ELAC2: variants seen among roughly 807,000 people sequenced by gnomAD.
ELAC2 encodes the protein zinc phosphodiesterase ELAC protein 2.
In ELAC2, 92 loss-of-function variants were observed where a neutral mutation model predicts 105.2. The observed-to-expected ratio is 0.87, with a 90% CI of 0.74 to 1.04. The LOEUF (loss-of-function observed/expected upper bound fraction) is 1.04. Among genes scored for constraint, ELAC2 ranks in the 50% least tolerant of loss-of-function variants. ELAC2 has a pLI of 0.00. For missense variants in ELAC2, 1,099 were observed against 1,071.7 expected (o/e 1.03, Z -0.36); for synonymous variants, 468 against 409.1 (o/e 1.14, Z -1.74).
At chr17:12,999,897 T>C (rs2040683275) in intron 15 of ELAC2, among the ~76,000 whole-genome samples, 1 of 152,192 alleles carries the variant, frequency 6.6e-6, no homozygotes, top group African/African-American at 2.4e-5. Context: ...GACCTCGCGA[T>C]CCACCTGCCT....
chr17:12,996,663 C>G lies in ELAC2; in HGVS notation c.1543G>C (p.Asp515His), dbSNP rs779653216. 1 of 1,613,874 alleles carries G rather than the reference C, an allele frequency of 6.2e-7. No homozygotes were observed. The highest frequency in any genetic ancestry group is 8.5e-7 in the Non-Finnish European group (1 of 1,179,978). The change falls in exon 17 of 24, where the codon GAC becomes CAC. Residue 515 changes from aspartate (D) to histidine (H), a missense_variant. By Grantham distance (81) the Asp-to-His change is moderately conservative (BLOSUM62 -1). Coordinates refer to ENST00000338034, the MANE Select transcript of ELAC2 (RefSeq NM_018127.7). Reference protein sequence around the residue: ...NISPDTSLLLDCGEGTFGQLC... With the variant: ...NISPDTSLLLHCGEGTFGQLC... ...TGCCCAAATGTGCCCTCACCACAGT[C>G]CAGTAGCAGAGACGTGTCGGGGCTG...
chr17:13,014,604 T>C, intron 4 of ELAC2, 108 bp from the exon 5 acceptor site: 1 of 840,352 alleles, frequency 1.2e-6, no homozygotes, highest in Non-Finnish European at 2.1e-6. Context: ...AAACAAAGCT[T>C]AGTAAATATT....
intron 12 of ELAC2, chr17:13,002,839 A>C (rs1243956808): frequency 2.4e-5 from 13 of 542,230 alleles, no homozygotes; most frequent in Non-Finnish European, 4.0e-5. Flanking sequence ...CAGGGCATAC[A>C]AATAGGGGAC....
In ELAC2 at chr17:12,994,420, GCTAC is replaced by G. The variant is rs1251318856; in HGVS notation, c.2108+1_2108+4del. The G allele has an allele frequency of 6.2e-7, 1 of 1,614,192 alleles. No homozygotes were observed. The highest frequency in any genetic ancestry group is 1.7e-5 in the Admixed American group (1 of 60,016). On this transcript the variant is annotated splice_donor_variant and splice_donor_region_variant and intron_variant, in intron 22 of 23. Transcript: ENST00000338034. LOFTEE classifies it high-confidence loss of function. ...GGGCGACAAGGACTGACCGGCCTTT[GCTAC>G]CTGTGTGTCTTTTCCACTGCTTCCT...
chr17:12,998,310 C>T, intron 16 of ELAC2, 102 bp downstream of exon 16: 1 of 1,136,776 alleles, frequency 8.8e-7, no homozygotes, highest in Non-Finnish European at 1.3e-6. Context: ...AGTGACAGGG[C>T]TTGATACCGC....
chr17:13,007,607 G>C (rs1315408979), intron 8 of ELAC2, among the ~76,000 whole-genome samples: 2 of 152,266 alleles, frequency 1.3e-5, no homozygotes, highest in Non-Finnish European at 2.9e-5. Context: ...GTTGGGGGCA[G>C]TGGCTCACGC....
Position 13,005,015 on chromosome 17 carries a change from G to A in ELAC2, c.957C>T (p.Pro319=), listed in dbSNP as rs1043865128. 2.5e-6 allele frequency: 4 copies of A among 1,614,048 alleles called. No homozygotes were observed. Among genetic ancestry groups the A allele is most frequent in the East Asian group, 2.2e-5 (1 of 44,882 alleles). Residue 319 remains proline, a synonymous_variant, in exon 11 of 24, where the codon CCC becomes CCT. Coordinates refer to ENST00000338034, the MANE Select transcript of ELAC2 (RefSeq NM_018127.7). ...TCTGAAAGGTGGCATTCTCACAGAT[G>A]GGTTGAATGAAGCTTTCATCTGGAC... ...VECPDESFIQ[P]ICENATFQRY...
chr17:13,004,198 G>C (rs2040981374), intron 11 of ELAC2: 1 of 157,664 alleles, frequency 6.3e-6, no homozygotes, highest in Non-Finnish European at 1.4e-5. Flanking sequence ...TCATTGAAGA[G>C]GTTTTGCTGC....
Position 13,017,049 on chromosome 17 carries a change from C to T in ELAC2, c.296+22G>A, listed in dbSNP as rs544394541. 9 of 1,614,018 alleles carry T rather than the reference C, an allele frequency of 5.6e-6. No homozygotes were observed. The East Asian group carries it at 1.1e-4, about 20-fold the overall frequency. On this transcript the variant is annotated intron_variant, in intron 2 of 23. Transcript: ENST00000338034. Reference sequence around the variant, plus strand: ...CAAGCCCCGTAATCAACTCCCCCTCCGAAAGCAAGAGACTGACTCACTTGT... The same window carrying T: ...CAAGCCCCGTAATCAACTCCCCCTCTGAAAGCAAGAGACTGACTCACTTGT...
At position 12,991,818 on chromosome 17, in the gene ELAC2, G is replaced by C. The variant is rs932425370; in HGVS notation, c.*1000C>G. On this transcript the variant is annotated 3_prime_UTR_variant, in exon 24 of 24. Coordinates refer to ENST00000338034, the MANE Select transcript of ELAC2 (RefSeq NM_018127.7). ...TCTTCTTTTTACATTCTCCTGGGTAGGGAATATACACAATAAATACTAGAT... is the reference window on the plus strand; with the variant it reads ...TCTTCTTTTTACATTCTCCTGGGTACGGAATATACACAATAAATACTAGAT... Among the ~76,000 whole-genome samples the C allele has an allele frequency of 6.6e-6, 1 of 151,892 alleles. No individual in the cohort carries two copies. Among genetic ancestry groups the C allele is most frequent in the African/African-American group, 2.4e-5 (1 of 41,328 alleles).
chr17:13,010,372 C>T lies in ELAC2; in HGVS notation c.738+241G>A, dbSNP rs138505842. Among the ~76,000 whole-genome samples the T allele has an allele frequency of 0.086, 13,017 of 152,204 alleles. 769 individuals are homozygous for T. The highest frequency in any genetic ancestry group is 0.2 in the Middle Eastern group (58 of 294). ...TTTTAGTACAGACAGGGTTTCACCA[C>T]GTTGGTCAGGCTGTTCTCAAACTCC... On this transcript the variant is annotated intron_variant, in intron 8 of 23. Coordinates refer to ENST00000338034, the MANE Select transcript of ELAC2 (RefSeq NM_018127.7).
Position 13,011,692 on chromosome 17 carries a change from G to C in ELAC2, c.650C>G (p.Ser217Trp), listed in dbSNP as rs4792311. The C allele has an allele frequency of 1.9e-6, 3 of 1,613,678 alleles. No homozygotes were observed. Among genetic ancestry groups the C allele is most frequent in the East Asian group, 4.5e-5 (2 of 44,860 alleles). Reference sequence around the variant, plus strand: ...TGGAAGGTGTGGCTCATTTTCATTCGACTCGGAGTCTGAAGATCGCTCTGG... The same window carrying C: ...TGGAAGGTGTGGCTCATTTTCATTCCACTCGGAGTCTGAAGATCGCTCTGG... ...LSPERSSDSE[S>W]NENEPHLPHG... The change falls in exon 7 of 24, where the codon TCG (serine) becomes TGG (tryptophan). Residue 217 changes from serine to tryptophan, a missense_variant. By Grantham distance (177) the Ser-to-Trp change is radical (BLOSUM62 -3). Transcript: ENST00000338034.
At chr17:13,000,579 C>T (rs1280972650) in intron 14 of ELAC2, 2 of 416,020 alleles carry the variant, frequency 4.8e-6, no homozygotes, top group Non-Finnish European at 9.1e-6. Context: ...AGCAGCACCA[C>T]TACCCACCTC....
At chr17:13,000,668 G>A (rs1025280994) in intron 14 of ELAC2, 1 of 314,486 alleles carries the variant, frequency 3.2e-6, no homozygotes, top group Non-Finnish European at 6.2e-6. Context: ...CTGAGAAGCA[G>A]GGGCCCTAGA....
chr17:12,994,621 T>C, intron 21 of ELAC2, 118 bp from the exon 22 acceptor site: 4 of 1,597,684 alleles, frequency 2.5e-6, no homozygotes, highest in Non-Finnish European at 3.4e-6. Context: ...GTCTGCCTAC[T>C]AGGATGACAA....
intron 5 of ELAC2, among the ~76,000 whole-genome samples, chr17:13,013,897 T>C (rs1231660506): frequency 1.3e-5 from 2 of 152,146 alleles, no homozygotes; most frequent in Non-Finnish European, 2.9e-5. Context: ...AGCCCTGCCG[T>C]CTGGATGGAG....
Position 12,995,005 on chromosome 17 carries a change from T to A in ELAC2, c.1866A>T (p.Glu622Asp), listed in dbSNP as rs760469299. The stretch of plus-strand genomic sequence containing the variant: ...TTCGCAACAGCGAACTGATCAATCT[T>A]TCCACTGCAGGACTGGAGATCTCAG... ...EGAEISSPAV[E>D]RLISSLLRTC... The change falls in exon 20 of 24, where the codon GAA (glutamate) becomes GAT (aspartate). Residue 622 changes from glutamate (E) to aspartate (D), a missense_variant. Coordinates refer to ENST00000338034, the MANE Select transcript of ELAC2 (RefSeq NM_018127.7). The A allele has an allele frequency of 6.2e-7, 1 of 1,614,204 alleles. No individual in the cohort carries two copies.
chr17:13,004,988 C>T lies in ELAC2; in HGVS notation c.983+1G>A, dbSNP rs574164122. The T allele has an allele frequency of 2.5e-6, 4 of 1,611,482 alleles. No homozygotes were observed. Among genetic ancestry groups the T allele is most frequent in the Admixed American group, 1.7e-5 (1 of 60,012 alleles). The stretch of plus-strand genomic sequence containing the variant: ...CTCCCACCCTAGAGACCCCTCATTA[C>T]CTCTGAAAGGTGGCATTCTCACAGA... On this transcript the variant is annotated splice_donor_variant, in intron 11 of 23. Coordinates refer to ENST00000338034, the MANE Select transcript of ELAC2 (RefSeq NM_018127.7). LOFTEE classifies it high-confidence loss of function.
chr17:13,017,044 C>G, intron 2 of ELAC2, 27 bp downstream of exon 2: 1 of 1,613,918 alleles, frequency 6.2e-7, no homozygotes, highest in East Asian at 2.2e-5. Context: ...AATCAACTCC[C>G]CCTCCGAAAG....
Sources: gnomAD v4.1 joint callset for allele counts (sites outside exome capture counted in the v4.1 genomes callset) on GRCh38, gnomAD v4.1.1 for gene constraint, MANE v1.5 for transcripts, NCBI Gene and HGNC (gene_info 2026-07-23, HGNC 2026-07-21) for gene names.